TSPEAR: variants seen among roughly 807,000 people sequenced by gnomAD.
TSPEAR encodes thrombospondin type laminin G domain and EAR repeats.
In TSPEAR, 69 loss-of-function variants were observed where a neutral mutation model predicts 71.6. The observed-to-expected ratio is 0.96, with a 90% confidence interval of 0.79 to 1.18. The LOEUF is 1.18. TSPEAR is among the 50% of genes most tolerant of loss of function. TSPEAR has a pLI of 0.00. For missense variants in TSPEAR, 971 were observed against 894.9 expected (o/e 1.09, Z -1.09); for synonymous variants, 402 against 387.2 (o/e 1.04, Z -0.45).
Position 44,599,172 on chromosome 21 carries a change from C to CTCTCTCTCTCTCTCTCTCTCTCAATGTA in TSPEAR, c.83-31168_83-31167insTACATTGAGAGAGAGAGAGAGAGAGAGA, listed in dbSNP as rs1372930980. 1.9e-4 allele frequency among the ~76,000 whole-genome samples: 28 copies of CTCTCTCTCTCTCTCTCTCTCTCAATGTA among 146,072 alleles called. 1 individual carries two copies. The highest frequency in any genetic ancestry group is 7.4e-4 in the African/African-American group (28 of 38,048). ...TCTCTCTCTCTCTCTCTCTCTCTCT[C>CTCTCTCTCTCTCTCTCTCTCTCAATGTA]CTTCCATCCCATAGGACCAGATCCT... On this transcript the variant is annotated intron_variant, in intron 1 of 11. Coordinates refer to ENST00000323084, the MANE Select transcript of TSPEAR (RefSeq NM_144991.3).
At chr21:44,647,413 T>G (rs1238911796) in intron 1 of TSPEAR, 3 of 1,570,546 alleles carry the variant, frequency 1.9e-6, no homozygotes, top group African/African-American at 1.3e-5. Flanking sequence ...GATTCTCCAG[T>G]CTCAGGAGCC....
chr21:44,641,144 C>T (rs1298289025), intron 1 of TSPEAR, among the ~76,000 whole-genome samples: 4 of 152,200 alleles, frequency 2.6e-5, no homozygotes, highest in Non-Finnish European at 5.9e-5. Context: ...TCTAGACCCT[C>T]ACTTAAAAAT....
rs1555928433 is a variant in TSPEAR, at chr21:44,600,795, C to T, written c.83-32790G>A. The T allele has an allele frequency of 3.1e-6, 5 of 1,597,874 alleles. 1 individual carries two copies. In the Admixed American group the frequency reaches 8.4e-5, roughly 27 times the overall value. On this transcript the variant is annotated intron_variant, in intron 1 of 11. Coordinates refer to ENST00000323084, the MANE Select transcript of TSPEAR (RefSeq NM_144991.3). ...CCCCCTGCCTGAGCCTGGTCTGCACCCCAGTGAGCTATGTGTCCAGCCCCT... is the reference window on the plus strand; with the variant it reads ...CCCCCTGCCTGAGCCTGGTCTGCACTCCAGTGAGCTATGTGTCCAGCCCCT...
intron 2 of TSPEAR, among the ~76,000 whole-genome samples, chr21:44,534,781 T>C (rs1414099629): frequency 6.6e-6 from 1 of 152,194 alleles, no homozygotes; most frequent in African/African-American, 2.4e-5. Context: ...CAATTCCACT[T>C]CTGGGTCCAT....
In TSPEAR at chr21:44,579,786, C is replaced by T. The variant is rs587696531; in HGVS notation, c.83-11781G>A. ...CCTCAGCAGGCCAGGGGGGAGCACG[C>T]GGGGCGGCAGAGGAGGGACACGCAG... On this transcript the variant is annotated intron_variant, in intron 1 of 11. Coordinates refer to ENST00000323084, the MANE Select transcript of TSPEAR (RefSeq NM_144991.3). The T allele has an allele frequency of 7.6e-5, 122 of 1,612,368 alleles. No individual in the cohort carries two copies. Among genetic ancestry groups the T allele is most frequent in the South Asian group, 6.7e-4 (61 of 90,930 alleles).
chr21:44,550,815 C>T (rs1396896350), intron 2 of TSPEAR: 4 of 1,535,280 alleles, frequency 2.6e-6, no homozygotes, highest in African/African-American at 2.8e-5. Flanking sequence ...AGCTGGCTGG[C>T]AGCTAGACTG....
intron 1 of TSPEAR, among the ~76,000 whole-genome samples, chr21:44,639,416 C>A (rs1983891105): frequency 2.6e-5 from 4 of 152,360 alleles, no homozygotes; most frequent in Admixed American, 2.6e-4. Context: ...GAGTCCCACC[C>A]CACAGAGCTC....
intron 1 of TSPEAR, among the ~76,000 whole-genome samples, chr21:44,628,895 A>G (rs1983079915): frequency 6.6e-6 from 1 of 151,840 alleles, no homozygotes; most frequent in African/African-American, 2.4e-5. Flanking sequence ...TGCAGAGCAG[A>G]GAACAGACAC....
intron 1 of TSPEAR, chr21:44,654,712 A>G: frequency 5.1e-6 from 4 of 790,236 alleles, no homozygotes; most frequent in Non-Finnish European, 8.0e-6. Context: ...CATCCTGGCA[A>G]CAAGCCCCCT....
chr21:44,541,092 A>T (rs587664521), intron 2 of TSPEAR, among the ~76,000 whole-genome samples: 2 of 150,768 alleles, frequency 1.3e-5, no homozygotes, highest in East Asian at 3.9e-4. Context: ...TTTCTGCACC[A>T]CGTGTCTTCC....
intron 1 of TSPEAR, among the ~76,000 whole-genome samples, chr21:44,668,888 A>T (rs1555945345): frequency 6.6e-6 from 1 of 152,250 alleles, no homozygotes; most frequent in East Asian, 1.9e-4. Flanking sequence ...AAATTAACTC[A>T]AGATCAAAGA....
chr21:44,612,031 C>G lies in TSPEAR; in HGVS notation c.83-44026G>C. On this transcript the variant is annotated intron_variant, in intron 1 of 11. Coordinates refer to ENST00000323084, the MANE Select transcript of TSPEAR (RefSeq NM_144991.3). This position sits in a 1 kb window ranked among gnomAD's most constrained non-coding sequence, Gnocchi z 4.1. ...AAAATACCCAGGGAGGGTATAAAAC[C>G]TCAGCAGCCAGGGCACACAAACCCA... is the stretch of plus-strand genomic sequence containing the variant. The G allele has an allele frequency of 1.3e-6, 2 of 1,506,258 alleles. No individual in the cohort carries two copies. The highest frequency in any genetic ancestry group is 2.4e-5 in the South Asian group (2 of 81,744). 93.3% of individuals were successfully genotyped at this position (1,506,258 alleles called of 1,614,324 possible).
intron 1 of TSPEAR, among the ~76,000 whole-genome samples, chr21:44,632,121 A>C (rs1983292486): frequency 6.6e-6 from 1 of 152,238 alleles, no homozygotes; most frequent in South Asian, 2.1e-4. Context: ...AATAATGACC[A>C]AAAACTTCCC....
chr21:44,587,789 C>T (rs1979436862), intron 1 of TSPEAR, among the ~76,000 whole-genome samples: 2 of 152,160 alleles, frequency 1.3e-5, no homozygotes, highest in Admixed American at 1.3e-4. Context: ...ACACTCTATT[C>T]AACAAATGGT....
Position 44,623,403 on chromosome 21 carries a change from C to T in TSPEAR, c.83-55398G>A, listed in dbSNP as rs1173412637. On this transcript the variant is annotated intron_variant, in intron 1 of 11. Transcript: ENST00000323084. The surrounding 1 kb of genome is among the most constrained non-coding windows in gnomAD (Gnocchi z 4.5). ...CTGCTTTAACTTCATGTAGCCCCCT[C>T]CTGAATTTTGTGATCTTCTTGCCAT... Among the ~76,000 whole-genome samples the T allele has an allele frequency of 6.6e-6, 1 of 152,192 alleles. No homozygotes were observed. Among genetic ancestry groups the T allele is most frequent in the Non-Finnish European group, 1.5e-5 (1 of 68,044 alleles).
intron 2 of TSPEAR, among the ~76,000 whole-genome samples, chr21:44,564,935 G>GT: frequency 6.6e-6 from 1 of 151,990 alleles, no homozygotes; most frequent in East Asian, 1.9e-4. Flanking sequence ...TGCAAAGTAT[G>GT]TATTCTGGCC....
chr21:44,503,523 G>T (rs587632683), intron 11 of TSPEAR, among the ~76,000 whole-genome samples: 2 of 137,978 alleles, frequency 1.4e-5, no homozygotes, highest in East Asian at 2.2e-4. Context: ...TGAGCCCTTG[G>T]GGGGAAGCCG....
intron 8 of TSPEAR, among the ~76,000 whole-genome samples, chr21:44,524,511 GCAGTCAGT>G (rs1212976781): frequency 6.7e-6 from 1 of 148,402 alleles, no homozygotes; most frequent in African/African-American, 2.5e-5. Context: ...AGTCAGTCAG[GCAGTCAGT>G]CAGTCAGACA....
intron 2 of TSPEAR, among the ~76,000 whole-genome samples, chr21:44,542,539 G>A (rs782159658): frequency 2.0e-5 from 3 of 152,046 alleles, no homozygotes; most frequent in Non-Finnish European, 2.9e-5. Context: ...CTTGAGCTTA[G>A]GAGTTGAAGA....
Sources: allele counts gnomAD v4.1 joint callset (sites outside exome capture counted in the v4.1 genomes callset), GRCh38; gene constraint gnomAD v4.1.1; non-coding constraint Gnocchi (gnomAD v3.1); transcripts MANE v1.5; gene names NCBI Gene and HGNC (gene_info 2026-07-23, HGNC 2026-07-21).